Variants in PKHD1 observed in about 807,000 individuals in gnomAD.
PKHD1 encodes PKHD1 ciliary IPT domain containing fibrocystin/polyductin.
Under a neutral mutation model 412.0 loss-of-function variants are expected in PKHD1, and 291 were observed. That is an observed-to-expected ratio of 0.71 (90% CI 0.64 to 0.78). The LOEUF is 0.78. PKHD1 is among the 30% of genes least tolerant of loss of function. The pLI is 0.00. For synonymous variants in PKHD1, 1,777 were observed against 1,821.5 expected (o/e 0.98, Z 0.62); for missense variants, 4,825 against 4,950.7 (o/e 0.97, Z 0.76).
Position 52,046,104 on chromosome 6 carries a change from G to A in PKHD1, c.2492C>T (p.Ala831Val), listed in dbSNP as rs1244995111. The A allele has an allele frequency of 1.2e-6, 2 of 1,612,628 alleles. No individual in the cohort carries two copies. The highest frequency in any genetic ancestry group is 1.7e-5 in the Admixed American group (1 of 59,990). Residue 831 changes from alanine (A) to valine (V), a missense_variant, in exon 24 of 67, where the codon GCC becomes GTC. Transcript: ENST00000371117. ...ADDFTSRYLNASDFTVKEDLY... is the reference protein window; with the variant it reads ...ADDFTSRYLNVSDFTVKEDLY... ...ATCCTCCTTCACAGTGAAGTCACTG[G>A]CATTGAGGTACCTGGATGTGAAGTC...
intron 35 of PKHD1, among the ~76,000 whole-genome samples, chr6:51,969,290 T>A (rs1793303960): frequency 6.6e-6 from 1 of 152,204 alleles, no homozygotes; most frequent in African/African-American, 2.4e-5. Flanking sequence ...ACAACCTGAA[T>A]GAACTTGGAG....
At chr6:51,889,664 T>A (rs983376156) in intron 43 of PKHD1, among the ~76,000 whole-genome samples, 1 of 152,204 alleles carries the variant, frequency 6.6e-6, no homozygotes, top group Non-Finnish European at 1.5e-5. Context: ...GACAGTATTC[T>A]TTACTCTTGG....
chr6:51,691,245 T>C (rs1206512593), intron 60 of PKHD1, among the ~76,000 whole-genome samples: 1 of 152,148 alleles, frequency 6.6e-6, no homozygotes, highest in Non-Finnish European at 1.5e-5. Context: ...GAAGACAGTG[T>C]GGTATTCCTC....
chr6:52,021,885 T>C (rs1801450554), intron 33 of PKHD1, among the ~76,000 whole-genome samples: 4 of 152,206 alleles, frequency 2.6e-5, no homozygotes, highest in Admixed American at 6.5e-5. Context: ...TTTTATCATT[T>C]TGTAAATCTT....
At chr6:51,669,998 TG>T (rs973169338) in intron 60 of PKHD1, among the ~76,000 whole-genome samples, 1 of 151,702 alleles carries the variant, frequency 6.6e-6, no homozygotes. Flanking sequence ...AGGTGTGGTG[TG>T]GTGCTGAAAA....
At chr6:51,980,119 C>G (rs374381254) in intron 35 of PKHD1, among the ~76,000 whole-genome samples, 1 of 152,202 alleles carries the variant, frequency 6.6e-6, no homozygotes, top group African/African-American at 2.4e-5. Context: ...AGACCAAATT[C>G]ATGAATTAGA....
At chr6:51,868,385 CA>C (rs1308490561) in intron 47 of PKHD1, among the ~76,000 whole-genome samples, 1 of 152,050 alleles carries the variant, frequency 6.6e-6, no homozygotes, top group Non-Finnish European at 1.5e-5. Context: ...ATTTTTCTAT[CA>C]TGGTTGATTT....
chr6:51,902,409 C>G lies in PKHD1; in HGVS notation c.6996+1188G>C, dbSNP rs556000821. On this transcript the variant is annotated intron_variant, in intron 43 of 66. Transcript: ENST00000371117. ...ATCTGGGATCTGGGTTCCTACAGTC[C>G]GTGTAGTTCTGCTTCCTTTGCTTAC... Among the ~76,000 whole-genome samples the G allele has an allele frequency of 4.6e-5, 7 of 152,160 alleles. No homozygotes were observed. In the South Asian group the frequency reaches 1.5e-3, roughly 32 times the overall value.
intron 35 of PKHD1, among the ~76,000 whole-genome samples, chr6:51,960,993 G>C (rs1308635434): frequency 1.3e-5 from 2 of 152,102 alleles, no homozygotes; most frequent in African/African-American, 4.8e-5. Flanking sequence ...AATCACAATA[G>C]AGAAGGTGAT....
At chr6:51,818,925 T>C (rs927893500) in intron 52 of PKHD1, among the ~76,000 whole-genome samples, 2 of 152,148 alleles carry the variant, frequency 1.3e-5, no homozygotes, top group African/African-American at 4.8e-5. Flanking sequence ...GATTTTTATG[T>C]AAGAGAGATG....
Position 51,772,684 on chromosome 6 carries a change from G to C in PKHD1, c.8642+18C>G, listed in dbSNP as rs1483267266. ...AACAACAACCAAGAAAAAGCCCTAA[G>C]TTACTCTCATTCCTTACCTCTCATT... On this transcript the variant is annotated intron_variant, in intron 55 of 66. Coordinates refer to ENST00000371117, the MANE Select transcript of PKHD1 (RefSeq NM_138694.4). 7.4e-7 allele frequency: 1 copy of C among 1,347,032 alleles called. No homozygotes were observed. The highest frequency in any genetic ancestry group is 1.2e-5 in the South Asian group (1 of 82,598). The allele number at this position is 1,347,032 out of a possible 1,614,324, so 83.4% of individuals were successfully genotyped here.
At position 52,079,968 on chromosome 6, in the gene PKHD1, C is replaced by T; in HGVS notation, c.322G>A (p.Glu108Lys). Residue 108 changes from glutamate (E) to lysine (K), a missense_variant, in exon 5 of 67, where the codon GAA becomes AAA. By Grantham distance (56) the Glu-to-Lys change is moderately conservative. Transcript: ENST00000371117. Reference protein sequence around the residue: ...SEAHEGLYFLEAYFGGQLVSS... With the variant: ...SEAHEGLYFLKAYFGGQLVSS... The stretch of plus-strand genomic sequence containing the variant: ...ACCAGCTGTCCCCCGAAGTATGCTT[C>T]CAGGAAGTACAGACCCTCATGTGCT... 6.2e-7 allele frequency: 1 copy of T among 1,611,546 alleles called. No individual in the cohort carries two copies. Among genetic ancestry groups the T allele is most frequent in the Non-Finnish European group, 8.5e-7 (1 of 1,177,692 alleles).
At chr6:51,930,924 T>C (rs1786471296) in intron 37 of PKHD1, among the ~76,000 whole-genome samples, 1 of 152,130 alleles carries the variant, frequency 6.6e-6, no homozygotes, top group South Asian at 2.1e-4. Flanking sequence ...TACCACATGA[T>C]CTCCAAGGTT....
At position 51,619,323 on chromosome 6, in the gene PKHD1, C is replaced by T; in HGVS notation, c.11983G>A (p.Glu3995Lys). ...GAPAQQVYLQ[E>K]TGNWKEGQEQ... Reference sequence around the variant, plus strand: ...TGGCCCTCCTTCCAGTTCCCAGTCTCTTGCAGGTACACCTGCTGAGCAGGA... The same window carrying T: ...TGGCCCTCCTTCCAGTTCCCAGTCTTTTGCAGGTACACCTGCTGAGCAGGA... The change falls in exon 67 of 67, where the codon GAG (glutamate) becomes AAG (lysine). Residue 3995 changes from glutamate (E) to lysine (K), a missense_variant. Transcript: ENST00000371117. 4.3e-6 allele frequency: 7 copies of T among 1,614,254 alleles called. No individual in the cohort carries two copies. The highest frequency in any genetic ancestry group is 5.1e-6 in the Non-Finnish European group (6 of 1,180,030).
intron 60 of PKHD1, among the ~76,000 whole-genome samples, chr6:51,679,165 AT>A (rs1776280489): frequency 6.6e-6 from 1 of 151,940 alleles, no homozygotes; most frequent in African/African-American, 2.4e-5. Context: ...CCAGTGGAGA[AT>A]TTTTTTCCCT....
intron 60 of PKHD1, among the ~76,000 whole-genome samples, chr6:51,698,202 T>TA (rs967423732): frequency 6.6e-6 from 1 of 152,154 alleles, no homozygotes; most frequent in African/African-American, 2.4e-5. Flanking sequence ...TCTAGAGGTA[T>TA]AAAACCCATT....
At chr6:51,793,330 AATTT>A (rs1163211713) in intron 52 of PKHD1, among the ~76,000 whole-genome samples, 2 of 152,150 alleles carry the variant, frequency 1.3e-5, no homozygotes, top group East Asian at 3.8e-4. Flanking sequence ...TTTTGCCTCC[AATTT>A]ATTTACTTAT....
chr6:51,714,624 C>T (rs1410992962), intron 60 of PKHD1, among the ~76,000 whole-genome samples: 3 of 152,176 alleles, frequency 2.0e-5, no homozygotes, highest in African/African-American at 4.8e-5. Context: ...TTCAGTTCCT[C>T]GATCTCATTA....
chr6:51,692,568 C>G (rs1353423308), intron 60 of PKHD1, among the ~76,000 whole-genome samples: 1 of 152,152 alleles, frequency 6.6e-6, no homozygotes, highest in Admixed American at 6.6e-5. Flanking sequence ...AGTTTCTACA[C>G]AAGTGACCTT....
Sources: allele counts gnomAD v4.1 joint callset (sites outside exome capture counted in the v4.1 genomes callset), GRCh38; gene constraint gnomAD v4.1.1; transcripts MANE v1.5; gene names NCBI Gene and HGNC (gene_info 2026-07-23, HGNC 2026-07-21).